PCDHGA1: variants seen among roughly 807,000 people sequenced by gnomAD.
The protein encoded by PCDHGA1 is protocadherin gamma subfamily A, 1, also known as protocadherin gamma-A1.
In PCDHGA1, 32 loss-of-function variants were observed where a neutral mutation model predicts 58.0. That is an observed-to-expected ratio of 0.55 (90% CI 0.42 to 0.74). The LOEUF (loss-of-function observed/expected upper bound fraction) is 0.74, where lower values mean the gene tolerates loss of function less well. Ranked by LOEUF, PCDHGA1 falls within the 30% of genes least tolerant of loss-of-function variation. The pLI, the probability that PCDHGA1 is intolerant of heterozygous loss-of-function variation, is 0.00. For synonymous variants in PCDHGA1, 498 were observed against 501.1 expected (o/e 0.99, Z 0.08); for missense variants, 1,205 against 1,182.3 (o/e 1.02, Z -0.28).
At position 141,462,908 on chromosome 5, in the gene PCDHGA1, T is replaced by G. The variant is rs186061013; in HGVS notation, c.2422-31899T>G. ...AGTTTGTTTTGGAAGGCTATTATGT[T>G]TTTTGCAGATCAGGTTGATCTTTTC... On this transcript the variant is annotated intron_variant, in intron 1 of 3. Coordinates refer to ENST00000517417, the MANE Select transcript of PCDHGA1 (RefSeq NM_018912.3). Among the ~76,000 whole-genome samples the G allele has an allele frequency of 1.4e-4, 21 of 152,362 alleles. No individual in the cohort carries two copies. The East Asian group carries it at 3.5e-3, about 25-fold the overall frequency.
chr5:141,340,095 ACT>A lies in PCDHGA1; in HGVS notation c.2421+6993_2421+6994del. 8 of 1,613,916 alleles carry A rather than the reference ACT, an allele frequency of 5.0e-6. No individual in the cohort carries two copies. In the South Asian group the frequency reaches 8.8e-5, roughly 18 times the overall value. On this transcript the variant is annotated intron_variant, in intron 1 of 3. Transcript: ENST00000517417. Reference sequence around the variant, plus strand: ...GGGCTTTTTAATGTACATGATAGAGACTCTGGGCAGAACGCATTCACCACCTG... The same window carrying A: ...GGGCTTTTTAATGTACATGATAGAGACTGGGCAGAACGCATTCACCACCTG...
In PCDHGA1 at chr5:141,385,275, A is replaced by G. The variant is rs115152670; in HGVS notation, c.2421+52170A>G. The G allele has an allele frequency of 1.9e-3, 3,011 of 1,613,598 alleles. 48 individuals carry two copies. In the African/African-American group the frequency reaches 0.033, roughly 18 times the overall value. On this transcript the variant is annotated intron_variant, in intron 1 of 3. Coordinates refer to ENST00000517417, the MANE Select transcript of PCDHGA1 (RefSeq NM_018912.3). ...GCTGTGAGAAAAATGATTCTTTGCTAACATCCGTAGATTTTCAGGAATGTA... is the reference window on the plus strand; with the variant it reads ...GCTGTGAGAAAAATGATTCTTTGCTGACATCCGTAGATTTTCAGGAATGTA...
intron 1 of PCDHGA1, among the ~76,000 whole-genome samples, chr5:141,470,729 G>T (rs1253040487): frequency 6.6e-6 from 1 of 152,102 alleles, no homozygotes; most frequent in Non-Finnish European, 1.5e-5. Context: ...TCAGGGTCTT[G>T]CTCTGTCGCC....
chr5:141,344,510 C>T (rs771669587), intron 1 of PCDHGA1: 18 of 1,613,796 alleles, frequency 1.1e-5, no homozygotes, highest in Non-Finnish European at 1.7e-6. Flanking sequence ...CTGCTTTTGA[C>T]CCAGATGTAG....
chr5:141,422,901 C>T (rs768086403), intron 1 of PCDHGA1: 5 of 1,614,276 alleles, frequency 3.1e-6, no homozygotes, highest in Non-Finnish European at 4.2e-6. Context: ...ACCAGAACGA[C>T]AATGCGCCCG....
At chr5:141,361,800 C>A in intron 1 of PCDHGA1, 1 of 1,613,196 alleles carries the variant, frequency 6.2e-7, no homozygotes, top group Non-Finnish European at 8.5e-7. Flanking sequence ...TGGGCGACCT[C>A]AATGACAATG....
chr5:141,344,971 T>C, intron 1 of PCDHGA1: 2 of 1,613,866 alleles, frequency 1.2e-6, no homozygotes, highest in Non-Finnish European at 1.7e-6. Context: ...GAGGATGCCA[T>C]GTTCTATGAA....
At chr5:141,426,702 C>CA (rs1187798274) in intron 1 of PCDHGA1, 1 of 439,184 alleles carries the variant, frequency 2.3e-6, no homozygotes, top group Admixed American at 2.4e-5. Context: ...CATTGTTTTA[C>CA]AAATCAATGA....
In PCDHGA1 at chr5:141,494,860, C is replaced by T. The variant is rs372794752; in HGVS notation, c.2475C>T (p.Thr825=). Residue 825 remains threonine, a synonymous_variant, in exon 2 of 4, where the codon ACC becomes ACT. Coordinates refer to ENST00000517417, the MANE Select transcript of PCDHGA1 (RefSeq NM_018912.3). ...TCTCTCAGGCCCAGAGACCCGGCAC[C>T]AGCGGGTAGGTGACTGATTCTCCAG... ...WRFSQAQRPG[T]SGSQNGDDTG... 5.6e-6 allele frequency: 9 copies of T among 1,614,032 alleles called. No homozygotes were observed. Among genetic ancestry groups the T allele is most frequent in the Non-Finnish European group, 7.6e-6 (9 of 1,180,024 alleles).
chr5:141,416,452 A>T (rs2154546483), intron 1 of PCDHGA1: 1 of 152,342 alleles, frequency 6.6e-6, no homozygotes, highest in African/African-American at 2.4e-5. Flanking sequence ...ATGGGTTGGG[A>T]AGACAGATAA....
At chr5:141,359,059 A>G (rs1447770153) in intron 1 of PCDHGA1, among the ~76,000 whole-genome samples, 1 of 152,256 alleles carries the variant, frequency 6.6e-6, no homozygotes, top group South Asian at 2.1e-4. Flanking sequence ...ATATGCCTCA[A>G]TTTGACTTAC....
intron 1 of PCDHGA1, among the ~76,000 whole-genome samples, chr5:141,455,732 A>G (rs1056074268): frequency 6.6e-6 from 1 of 152,190 alleles, no homozygotes; most frequent in Non-Finnish European, 1.5e-5. Context: ...CTGCATTTGC[A>G]TATCAAAGGT....
chr5:141,374,242 A>G (rs1181789478), intron 1 of PCDHGA1: 2 of 1,613,868 alleles, frequency 1.2e-6, no homozygotes, highest in Admixed American at 3.3e-5. Context: ...AGGATCTGGG[A>G]CTGGAGCCCC....
intron 1 of PCDHGA1, among the ~76,000 whole-genome samples, chr5:141,363,429 T>C (rs1762921344): frequency 6.6e-6 from 1 of 152,248 alleles, no homozygotes; most frequent in East Asian, 1.9e-4. Flanking sequence ...TGTCTCAACA[T>C]AGAAAGGTCA....
chr5:141,428,106 C>T, intron 1 of PCDHGA1: 1 of 1,608,152 alleles, frequency 6.2e-7, no homozygotes. Context: ...CCACGTGCTG[C>T]AGGCCATCGA....
intron 1 of PCDHGA1, chr5:141,392,820 G>C (rs1474865202): frequency 1.3e-6 from 2 of 1,592,748 alleles, no homozygotes; most frequent in Admixed American, 3.6e-5. Context: ...AACAATGGCC[G>C]CTCCACAGAG....
Position 141,486,314 on chromosome 5 carries a change from T to C in PCDHGA1, c.2422-8493T>C, listed in dbSNP as rs775833520. The C allele has an allele frequency of 4.5e-5, 72 of 1,613,758 alleles. No homozygotes were observed. The highest frequency in any genetic ancestry group is 5.9e-5 in the Non-Finnish European group (70 of 1,179,984). On this transcript the variant is annotated intron_variant, in intron 1 of 3. Transcript: ENST00000517417. This position sits in a 1 kb window ranked among gnomAD's most constrained non-coding sequence, Gnocchi z 5.0. ...CAGTGTGCAGGATCCAGACTCAGGG[T>C]CAAACGGAGATGTGAGCCTCCGCAT...
chr5:141,386,745 G>A (rs2090694894), intron 1 of PCDHGA1, among the ~76,000 whole-genome samples: 1 of 152,124 alleles, frequency 6.6e-6, no homozygotes, highest in Non-Finnish European at 1.5e-5. Context: ...AGATCCTATG[G>A]CAGAACTACG....
At position 141,476,396 on chromosome 5, in the gene PCDHGA1, C is replaced by A; in HGVS notation, c.2422-18411C>A. The A allele has an allele frequency of 6.2e-7, 1 of 1,614,032 alleles. No homozygotes were observed. Among genetic ancestry groups the A allele is most frequent in the Non-Finnish European group, 8.5e-7 (1 of 1,180,020 alleles). Reference sequence around the variant, plus strand: ...GATGTTTGTGAACGACCGTCTGGATCGAGAGGAGCTGTGTGGGACACTGCC... The same window carrying A: ...GATGTTTGTGAACGACCGTCTGGATAGAGAGGAGCTGTGTGGGACACTGCC... On this transcript the variant is annotated intron_variant, in intron 1 of 3. Transcript: ENST00000517417. The surrounding 1 kb of genome is among the most constrained non-coding windows in gnomAD (Gnocchi z 7.6).
Sources: gnomAD v4.1 joint callset for allele counts (sites outside exome capture counted in the v4.1 genomes callset) on GRCh38, gnomAD v4.1.1 for gene constraint, Gnocchi (gnomAD v3.1) non-coding constraint, MANE v1.5 for transcripts, NCBI Gene and HGNC (gene_info 2026-07-23, HGNC 2026-07-21) for gene names.